The following ATXN1 variants were observed in gnomAD, a reference collection of about 807,000 sequenced individuals.
The protein encoded by ATXN1 is ataxin 1.
Under a neutral mutation model 56.4 loss-of-function variants are expected in ATXN1, and 8 were observed. That is an observed-to-expected ratio of 0.14 (90% CI 0.08 to 0.26). The LOEUF (loss-of-function observed/expected upper bound fraction) is 0.26, where lower values mean the gene tolerates loss of function less well. Ranked by LOEUF, ATXN1 falls within the 10% of genes least tolerant of loss-of-function variation. The pLI is 1.00. For synonymous variants in ATXN1, 514 were observed against 494.6 expected (o/e 1.04, Z -0.52); for missense variants, 987 against 1,106.5 (o/e 0.89, Z 1.53).
intron 2 of ATXN1, among the ~76,000 whole-genome samples, chr6:16,740,377 G>A (rs552681467): frequency 2.6e-4 from 39 of 152,242 alleles, no homozygotes; most frequent in Admixed American, 2.2e-3. Flanking sequence ...ACAGGTGGCT[G>A]GAAGAGCTTC....
At chr6:16,748,883 C>A (rs1216480488) in intron 2 of ATXN1, among the ~76,000 whole-genome samples, 1 of 152,098 alleles carries the variant, frequency 6.6e-6, no homozygotes, top group African/African-American at 2.4e-5. Context: ...CTCAAATTTT[C>A]TCTCATTACA....
At chr6:16,759,361 T>C (rs921136322) in intron 1 of ATXN1, among the ~76,000 whole-genome samples, 5 of 152,218 alleles carry the variant, frequency 3.3e-5, no homozygotes, top group Non-Finnish European at 7.3e-5. Context: ...TAGGGTCTTC[T>C]AATTTTGCTA....
chr6:16,347,172 C>T (rs1269564105), intron 6 of ATXN1, among the ~76,000 whole-genome samples: 1 of 152,236 alleles, frequency 6.6e-6, no homozygotes, highest in Non-Finnish European at 1.5e-5. Context: ...CGAGCGCCGC[C>T]CCCTGCTCCA....
chr6:16,503,379 C>A (rs1581805965), intron 5 of ATXN1, among the ~76,000 whole-genome samples: 1 of 152,210 alleles, frequency 6.6e-6, no homozygotes, highest in East Asian at 1.9e-4. Flanking sequence ...CAAGTTACCA[C>A]CAATGGAGTA....
At position 16,643,024 on chromosome 6, in the gene ATXN1, C is replaced by G. The variant is rs140152644; in HGVS notation, c.-489+14752G>C. Among the ~76,000 whole-genome samples the G allele has an allele frequency of 1.6e-3, 249 of 152,266 alleles. 1 individual carries two copies. The highest frequency in any genetic ancestry group is 5.7e-3 in the African/African-American group (235 of 41,560). On this transcript the variant is annotated intron_variant, in intron 3 of 7. Transcript: ENST00000436367. Reference sequence around the variant, plus strand: ...GTGGCTCATGCCTGTAATCCCAGCACTTTGGGAGGCTGAGGTGGGTGGATC... The same window carrying G: ...GTGGCTCATGCCTGTAATCCCAGCAGTTTGGGAGGCTGAGGTGGGTGGATC...
chr6:16,360,628 C>G (rs905530029), intron 6 of ATXN1, among the ~76,000 whole-genome samples: 21 of 152,202 alleles, frequency 1.4e-4, no homozygotes, highest in African/African-American at 5.1e-4. Flanking sequence ...TTTGCTCCCT[C>G]TTCAACGGGT....
In ATXN1 at chr6:16,526,064, T is replaced by TATATATATATATATATATATATACAC. The variant is rs370698828; in HGVS notation, c.-360-3377_-360-3376insGTGTATATATATATATATATATATAT. Among the ~76,000 whole-genome samples, 244 of 133,188 alleles carry TATATATATATATATATATATATACAC rather than the reference T, an allele frequency of 1.8e-3. 3 individuals carry two copies. Among genetic ancestry groups the TATATATATATATATATATATATACAC allele is most frequent in the Middle Eastern group, 3.8e-3 (1 of 260 alleles). 87.4% of individuals were successfully genotyped at this position (133,188 alleles called of 152,430 possible). ...ATCTATATATATATATATATATATA[T>TATATATATATATATATATATATACAC]ACATACATACAATCTATTTATAATG... is the stretch of plus-strand genomic sequence containing the variant. On this transcript the variant is annotated intron_variant, in intron 4 of 7. Coordinates refer to ENST00000436367, the MANE Select transcript of ATXN1 (RefSeq NM_001128164.2).
At chr6:16,511,660 G>A (rs939492381) in intron 5 of ATXN1, among the ~76,000 whole-genome samples, 3 of 152,162 alleles carry the variant, frequency 2.0e-5, no homozygotes, top group Non-Finnish European at 1.5e-5. Context: ...AAAGTGAGAG[G>A]ATTGCTTGAG....
intron 2 of ATXN1, among the ~76,000 whole-genome samples, chr6:16,688,243 C>T (rs1345931314): frequency 6.6e-6 from 1 of 152,156 alleles, no homozygotes; most frequent in African/African-American, 2.4e-5. Context: ...AAAAACCTTC[C>T]TGCTAAACAA....
intron 3 of ATXN1, among the ~76,000 whole-genome samples, chr6:16,636,393 C>T (rs1393844871): frequency 6.6e-6 from 1 of 152,218 alleles, no homozygotes; most frequent in African/African-American, 2.4e-5. Flanking sequence ...CTCCCCCAGC[C>T]CCCAGGCAGC....
chr6:16,639,434 C>T (rs754454773), intron 3 of ATXN1, among the ~76,000 whole-genome samples: 2 of 152,166 alleles, frequency 1.3e-5, no homozygotes, highest in Non-Finnish European at 2.9e-5. Flanking sequence ...CTGCCTCAGC[C>T]GCCTAAGTAG....
chr6:16,490,888 G>A (rs1016905386), intron 5 of ATXN1, among the ~76,000 whole-genome samples: 2 of 151,878 alleles, frequency 1.3e-5, no homozygotes, highest in Admixed American at 1.3e-4. Flanking sequence ...CTGGAACTAA[G>A]AGGAGCAACA....
intron 6 of ATXN1, among the ~76,000 whole-genome samples, chr6:16,335,180 T>C (rs1303235299): frequency 6.6e-6 from 1 of 152,270 alleles, no homozygotes; most frequent in Non-Finnish European, 1.5e-5. Flanking sequence ...TCACAATTTC[T>C]TCTTGCTGTG....
intron 3 of ATXN1, among the ~76,000 whole-genome samples, chr6:16,630,813 A>C (rs1763490790): frequency 6.6e-6 from 1 of 152,256 alleles, no homozygotes; most frequent in Non-Finnish European, 1.5e-5. Flanking sequence ...TTCTAAATAC[A>C]AAATGGTCAG....
chr6:16,412,548 A>G (rs1758820509), intron 6 of ATXN1, among the ~76,000 whole-genome samples: 1 of 152,212 alleles, frequency 6.6e-6, no homozygotes, highest in South Asian at 2.1e-4. Context: ...CAACAGCGTC[A>G]GTTTCTCAGA....
In ATXN1 at chr6:16,637,507, A is replaced by C. The variant is rs529039842; in HGVS notation, c.-489+20269T>G. Among the ~76,000 whole-genome samples the C allele has an allele frequency of 2.0e-5, 3 of 147,998 alleles. No individual in the cohort carries two copies. The Admixed American group carries it at 2.0e-4, about 10-fold the overall frequency. Reference sequence around the variant, plus strand: ...ACTTAAAGTATAATAAAAAATAAATAAAATAAAATAAAAAAAGAAAAAGGA... The same window carrying C: ...ACTTAAAGTATAATAAAAAATAAATCAAATAAAATAAAAAAAGAAAAAGGA... On this transcript the variant is annotated intron_variant, in intron 3 of 7. Coordinates refer to ENST00000436367, the MANE Select transcript of ATXN1 (RefSeq NM_001128164.2).
chr6:16,366,531 A>G (rs1031799391), intron 6 of ATXN1, among the ~76,000 whole-genome samples: 3 of 152,226 alleles, frequency 2.0e-5, no homozygotes, highest in African/African-American at 7.2e-5. Flanking sequence ...CTGTAATCCC[A>G]GCACTTTGGG....
intron 4 of ATXN1, among the ~76,000 whole-genome samples, chr6:16,559,192 T>C (rs1452340364): frequency 6.6e-6 from 1 of 152,158 alleles, no homozygotes; most frequent in East Asian, 1.9e-4. Flanking sequence ...ATAGGACGAA[T>C]GCCAAATTGG....
At chr6:16,735,794 G>T (rs1250600612) in intron 2 of ATXN1, among the ~76,000 whole-genome samples, 1 of 151,930 alleles carries the variant, frequency 6.6e-6, no homozygotes, top group African/African-American at 2.4e-5. Context: ...TTGCACTCCA[G>T]CCCAGGCAAC....
Sources: gnomAD v4.1 joint callset for allele counts (sites outside exome capture counted in the v4.1 genomes callset) on GRCh38, gnomAD v4.1.1 for gene constraint, MANE v1.5 for transcripts, NCBI Gene and HGNC (gene_info 2026-07-23, HGNC 2026-07-21) for gene names.